MKLN1: variants seen among roughly 807,000 people sequenced by gnomAD.
MKLN1 encodes muskelin.
In MKLN1, 18 loss-of-function variants were observed where a neutral mutation model predicts 99.0. The ratio of observed to expected loss-of-function variants is 0.18; its 90% CI spans 0.13 to 0.27. The LOEUF is 0.27. MKLN1 is among the 10% of genes least tolerant of loss of function. MKLN1 has a pLI of 1.00. For missense variants in MKLN1, 621 were observed against 875.9 expected (o/e 0.71, Z 3.67); for synonymous variants, 288 against 293.2 (o/e 0.98, Z 0.18).
chr7:131,143,234 C>A lies in MKLN1; in HGVS notation c.-297+293C>A, dbSNP rs182839711. ...CTGTAATCCCAGCACTTTGGGAGGC[C>A]GAGGCCGGCAAATCACGAGGTCAGG... On this transcript the variant is annotated intron_variant, in intron 2 of 7. Transcript: ENST00000416992. Among the ~76,000 whole-genome samples, 438 of 152,042 alleles carry A rather than the reference C, an allele frequency of 2.9e-3. 10 individuals are homozygous for A. The highest frequency in any genetic ancestry group is 0.022 in the Admixed American group (333 of 15,272).
intron 1 of MKLN1, among the ~76,000 whole-genome samples, chr7:131,335,376 A>G (rs17815544): frequency 0.55 from 83,357 of 151,924 alleles, 23,342 homozygotes; most frequent in East Asian, 0.68. Context: ...AGATTAATCC[A>G]TGTTTAAAAA....
At chr7:131,283,146 A>T (rs187169318) in intron 3 of MKLN1, among the ~76,000 whole-genome samples, 1 of 152,216 alleles carries the variant, frequency 6.6e-6, no homozygotes, top group Non-Finnish European at 1.5e-5. Flanking sequence ...TCAAACTTTT[A>T]TTTTCTGTAA....
At chr7:131,184,468 C>G (rs1426599167) in intron 2 of MKLN1, among the ~76,000 whole-genome samples, 1 of 152,084 alleles carries the variant, frequency 6.6e-6, no homozygotes, top group Admixed American at 6.6e-5. Context: ...TGCTGAGTGG[C>G]ATGTTGCTTG....
At chr7:131,438,116 A>G in intron 10 of MKLN1, 119 bp downstream of exon 10, 3 of 734,100 alleles carry the variant, frequency 4.1e-6, no homozygotes, top group South Asian at 3.5e-5. Context: ...ACAAATATCT[A>G]TTGACAGTAA....
At chr7:131,126,576 G>C (rs1241909818) in intron 1 of MKLN1, among the ~76,000 whole-genome samples, 1 of 151,868 alleles carries the variant, frequency 6.6e-6, no homozygotes, top group Non-Finnish European at 1.5e-5. Context: ...TTTTCCTGAT[G>C]GAGTTTCACT....
intron 15 of MKLN1, 141 bp downstream of exon 15, chr7:131,466,556 C>T (rs1796666794): frequency 5.6e-6 from 3 of 535,492 alleles, no homozygotes; most frequent in South Asian, 8.2e-5. Flanking sequence ...TTTTTGCTTT[C>T]GTTTTTCAAA....
chr7:131,192,324 CA>C (rs1796574626), intron 2 of MKLN1, among the ~76,000 whole-genome samples: 1 of 65,636 alleles, frequency 1.5e-5, no homozygotes, highest in Non-Finnish European at 2.6e-5. Flanking sequence ...ATAATATATA[CA>C]ATATATAAAT....
Position 131,446,281 on chromosome 7 carries a change from G to T in MKLN1, c.1525+378G>T, listed in dbSNP as rs185014680. Among the ~76,000 whole-genome samples, 13 of 152,208 alleles carry T rather than the reference G, an allele frequency of 8.5e-5. No homozygotes were observed. The East Asian group carries it at 2.5e-3, about 29-fold the overall frequency. On this transcript the variant is annotated intron_variant, in intron 12 of 17. Coordinates refer to ENST00000352689, the MANE Select transcript of MKLN1 (RefSeq NM_013255.5). ...ATAGTAGGGTGTGTGTCTTAAGGGG[G>T]GAACTTCATGGGATTGGTAACACCT...
chr7:131,227,269 C>T (rs1797161732), intron 3 of MKLN1, among the ~76,000 whole-genome samples: 1 of 152,164 alleles, frequency 6.6e-6, no homozygotes, highest in Non-Finnish European at 1.5e-5. Flanking sequence ...ACCAACCACT[C>T]CTCCCTTTAG....
At position 131,339,085 on chromosome 7, in the gene MKLN1, G is replaced by A. The variant is rs188037553; in HGVS notation, c.98+11088G>A. On this transcript the variant is annotated intron_variant, in intron 1 of 17. Transcript: ENST00000352689. ...GTCATACACGTAACACATGAAATAT[G>A]TGTTAATTGTCTATTCATGTTATTG... is the stretch of plus-strand genomic sequence containing the variant. Among the ~76,000 whole-genome samples the A allele has an allele frequency of 1.5e-4, 23 of 152,248 alleles. No individual in the cohort carries two copies. The East Asian group carries it at 4.4e-3, about 29-fold the overall frequency.
intron 2 of MKLN1, among the ~76,000 whole-genome samples, chr7:131,379,487 GA>G (rs1301405361): frequency 6.6e-6 from 1 of 152,016 alleles, no homozygotes; most frequent in Non-Finnish European, 1.5e-5. Context: ...TTCTATAAAT[GA>G]AAAATATAAT....
chr7:131,114,218 G>T (rs184577255), intron 1 of MKLN1, among the ~76,000 whole-genome samples: 1 of 152,278 alleles, frequency 6.6e-6, no homozygotes, highest in East Asian at 1.9e-4. Flanking sequence ...CCATAAATCT[G>T]CTCCCATTAT....
At chr7:131,167,132 T>C (rs1440959795) in intron 2 of MKLN1, among the ~76,000 whole-genome samples, 1 of 152,016 alleles carries the variant, frequency 6.6e-6, no homozygotes. Context: ...TACTTGCTTA[T>C]ATCACAACCT....
chr7:131,463,513 C>A (rs1317347732), intron 13 of MKLN1, 149 bp downstream of exon 13: 6 of 765,290 alleles, frequency 7.8e-6, no homozygotes. Context: ...AATATCGGTA[C>A]CTATGTATAC....
intron 2 of MKLN1, among the ~76,000 whole-genome samples, chr7:131,160,492 A>ATTTATTATT (rs1343341791): frequency 7.2e-6 from 1 of 138,972 alleles, no homozygotes; most frequent in African/African-American, 2.6e-5. Flanking sequence ...TATTATTATT[A>ATTTATTATT]ATTATTATTA....
chr7:131,305,947 C>G (rs1798458764), intron 3 of MKLN1, among the ~76,000 whole-genome samples: 2 of 152,142 alleles, frequency 1.3e-5, no homozygotes, highest in African/African-American at 4.8e-5. Flanking sequence ...GATCTCATCT[C>G]AAATTATAAT....
chr7:131,479,025 T>C (rs138163913), intron 17 of MKLN1: 106 of 199,424 alleles, frequency 5.3e-4, no homozygotes, highest in African/African-American at 2.4e-3. Flanking sequence ...AAATAGTTTT[T>C]CCTCTCAGTT....
chr7:131,251,073 C>T (rs915785455), intron 3 of MKLN1, among the ~76,000 whole-genome samples: 2 of 149,002 alleles, frequency 1.3e-5, no homozygotes, highest in Non-Finnish European at 3.0e-5. Context: ...GGACAGACAG[C>T]CAGCAGCAAT....
At chr7:131,362,269 G>C (rs374565909) in intron 1 of MKLN1, among the ~76,000 whole-genome samples, 2 of 151,850 alleles carry the variant, frequency 1.3e-5, no homozygotes, top group South Asian at 2.1e-4. Flanking sequence ...ATAGTATAGC[G>C]TACTCCATTA....
Sources: gnomAD v4.1 joint callset for allele counts (sites outside exome capture counted in the v4.1 genomes callset) on GRCh38, gnomAD v4.1.1 for gene constraint, MANE v1.5 for transcripts, NCBI Gene and HGNC (gene_info 2026-07-23, HGNC 2026-07-21) for gene names.